Variants in NCAM2 observed in about 807,000 individuals in gnomAD.
NCAM2 encodes N-CAM-2.
NCAM2 carries 30 observed loss-of-function variants against 98.1 expected under a neutral mutation model. The observed-to-expected ratio is 0.31, with a 90% CI of 0.23 to 0.41. The LOEUF is 0.41. NCAM2 is among the 10% of genes least tolerant of loss of function. NCAM2 has a pLI of 1.00. For missense variants in NCAM2, 867 were observed against 1,005.8 expected (o/e 0.86, Z 1.87); for synonymous variants, 368 against 342.4 (o/e 1.07, Z -0.83).
At chr21:21,031,697 C>A (rs1176493415) in intron 1 of NCAM2, among the ~76,000 whole-genome samples, 1 of 152,106 alleles carries the variant, frequency 6.6e-6, no homozygotes, top group Non-Finnish European at 1.5e-5. Context: ...ATATTTAATA[C>A]TATGCTGTAA....
intron 6 of NCAM2, among the ~76,000 whole-genome samples, chr21:21,330,734 G>GT (rs2074651675): frequency 6.6e-6 from 1 of 151,748 alleles, no homozygotes; most frequent in Admixed American, 6.6e-5. Flanking sequence ...AGTATTATAT[G>GT]TTTAAACATT....
At chr21:21,150,284 A>G (rs151054002) in intron 1 of NCAM2, among the ~76,000 whole-genome samples, 3 of 152,192 alleles carry the variant, frequency 2.0e-5, no homozygotes, top group Non-Finnish European at 2.9e-5. Context: ...GTTGCTTACA[A>G]ATTATTTGTG....
chr21:21,228,753 A>G (rs1193491698), intron 1 of NCAM2, among the ~76,000 whole-genome samples: 1 of 151,442 alleles, frequency 6.6e-6, no homozygotes, highest in Non-Finnish European at 1.5e-5. Context: ...TACACCTGGG[A>G]GGCAAGAAAG....
At chr21:21,038,840 C>T (rs2064848231) in intron 1 of NCAM2, among the ~76,000 whole-genome samples, 1 of 152,144 alleles carries the variant, frequency 6.6e-6, no homozygotes, top group South Asian at 2.1e-4. Context: ...TTTCAATTAG[C>T]ATGGCTCTGT....
At chr21:21,493,690 G>A (rs1230118091) in intron 15 of NCAM2, among the ~76,000 whole-genome samples, 1 of 151,802 alleles carries the variant, frequency 6.6e-6, no homozygotes, top group Non-Finnish European at 1.5e-5. Flanking sequence ...AAAATCCTCT[G>A]TGTCCTAAAA....
chr21:21,128,071 G>GT (rs1337441681), intron 1 of NCAM2, among the ~76,000 whole-genome samples: 1 of 151,896 alleles, frequency 6.6e-6, no homozygotes, highest in African/African-American at 2.4e-5. Context: ...AGCAAGAACT[G>GT]TATGTAGGAA....
intron 8 of NCAM2, among the ~76,000 whole-genome samples, chr21:21,362,498 T>C (rs2075671766): frequency 6.6e-6 from 1 of 151,680 alleles, no homozygotes; most frequent in African/African-American, 2.4e-5. Flanking sequence ...GGTCAACCAA[T>C]CCTCCCACCT....
intron 1 of NCAM2, among the ~76,000 whole-genome samples, chr21:21,075,166 A>G (rs1489562535): frequency 6.6e-6 from 1 of 152,170 alleles, no homozygotes; most frequent in Admixed American, 6.5e-5. Flanking sequence ...GGAGGGGAGC[A>G]TCACACACCG....
intron 12 of NCAM2, among the ~76,000 whole-genome samples, chr21:21,448,067 T>G (rs1980456410): frequency 6.6e-6 from 1 of 152,062 alleles, no homozygotes; most frequent in Admixed American, 6.6e-5. Flanking sequence ...GGAATAAAAA[T>G]TATTCTACCC....
rs113614208 is a variant in NCAM2, at chr21:21,202,711, G to A, written c.56-77867G>A. Among the ~76,000 whole-genome samples, 457 of 152,042 alleles carry A rather than the reference G, an allele frequency of 3.0e-3. 1 individual carries two copies. Among genetic ancestry groups the A allele is most frequent in the African/African-American group, 0.011 (438 of 41,500 alleles). On this transcript the variant is annotated intron_variant, in intron 1 of 17. Coordinates refer to ENST00000400546, the MANE Select transcript of NCAM2 (RefSeq NM_004540.5). ...GATTACAGGCGTGAGCCACTGTGCCGGGCCCATGCTTTGTTTTTATGCTAT... is the reference window on the plus strand; with the variant it reads ...GATTACAGGCGTGAGCCACTGTGCCAGGCCCATGCTTTGTTTTTATGCTAT...
intron 12 of NCAM2, among the ~76,000 whole-genome samples, chr21:21,452,284 A>T (rs993537915): frequency 7.2e-5 from 7 of 97,846 alleles, no homozygotes; most frequent in African/African-American, 1.9e-4. Context: ...AACACAAATG[A>T]CTTCCTGCTT....
At chr21:21,128,733 A>T (rs938583204) in intron 1 of NCAM2, among the ~76,000 whole-genome samples, 1 of 152,314 alleles carries the variant, frequency 6.6e-6, no homozygotes, top group East Asian at 1.9e-4. Flanking sequence ...ATGAGTTGAA[A>T]AGCATATGTG....
chr21:21,149,605 C>A (rs1295182502), intron 1 of NCAM2, among the ~76,000 whole-genome samples: 2 of 151,094 alleles, frequency 1.3e-5, no homozygotes, highest in East Asian at 3.9e-4. Context: ...TGTGCTGTTT[C>A]CCTCCCTGTG....
intron 15 of NCAM2, among the ~76,000 whole-genome samples, chr21:21,489,964 A>G (rs888409933): frequency 2.0e-5 from 3 of 151,918 alleles, no homozygotes; most frequent in East Asian, 3.9e-4. Context: ...ATTTTTATCT[A>G]AGGAAAACAT....
At chr21:21,510,272 C>G (rs897615045) in intron 16 of NCAM2, among the ~76,000 whole-genome samples, 10 of 152,210 alleles carry the variant, frequency 6.6e-5, no homozygotes, top group South Asian at 6.2e-4. Context: ...ATGTGTAACA[C>G]AAAGCCATAT....
At chr21:21,327,199 T>G (rs1249717806) in intron 6 of NCAM2, among the ~76,000 whole-genome samples, 2 of 150,914 alleles carry the variant, frequency 1.3e-5, no homozygotes, top group African/African-American at 4.9e-5. Context: ...TCCCAGCTAC[T>G]CTGGAGGCTG....
intron 1 of NCAM2, among the ~76,000 whole-genome samples, chr21:21,242,512 C>T (rs73316781): frequency 0.012 from 1,863 of 152,268 alleles, 47 homozygotes; most frequent in African/African-American, 0.043. Flanking sequence ...GTTTCTATAA[C>T]TCTGGTCATC....
At chr21:21,482,587 G>A (rs1036774423) in intron 15 of NCAM2, among the ~76,000 whole-genome samples, 1 of 151,478 alleles carries the variant, frequency 6.6e-6, no homozygotes, top group African/African-American at 2.4e-5. Context: ...TAAACAATAG[G>A]GTAAGTCTAG....
intron 1 of NCAM2, among the ~76,000 whole-genome samples, chr21:21,026,540 G>A (rs9984770): frequency 6.6e-6 from 1 of 151,622 alleles, no homozygotes; most frequent in African/African-American, 2.4e-5. Context: ...CAGGAGAATC[G>A]CTTGAACTCA....
Sources: allele counts gnomAD v4.1 joint callset (sites outside exome capture counted in the v4.1 genomes callset), GRCh38; gene constraint gnomAD v4.1.1; transcripts MANE v1.5; gene names NCBI Gene and HGNC (gene_info 2026-07-23, HGNC 2026-07-21).